Variants in PDE8A observed in about 807,000 individuals in gnomAD.
PDE8A encodes high affinity cAMP-specific and IBMX-insensitive 3',5'-cyclic phosphodiesterase 8A.
In PDE8A, 59 loss-of-function variants were observed where a neutral mutation model predicts 105.0. That is an observed-to-expected ratio of 0.56 (90% confidence interval 0.46 to 0.70). The LOEUF is 0.70. Among genes scored for constraint, PDE8A ranks in the 30% least tolerant of loss-of-function variants. The pLI is 0.00. For synonymous variants in PDE8A, 355 were observed against 371.9 expected, an observed-to-expected ratio of 0.95 and a Z score of 0.52; for missense variants, 1,014 against 1,045.9, an observed-to-expected ratio of 0.97 and a Z score of 0.42.
intron 2 of PDE8A, 31 bp from the exon 3 acceptor site, chr15:85,066,983 T>A (rs778581844): frequency 2.7e-5 from 41 of 1,497,176 alleles, no homozygotes; most frequent in Admixed American, 6.0e-5. Context: ...CATCTTTTTT[T>A]AAAAAAAGTG....
Position 85,075,039 on chromosome 15 carries a change from T to G in PDE8A, c.435-823T>G, listed in dbSNP as rs202134663. On this transcript the variant is annotated intron_variant, in intron 3 of 21. Coordinates refer to ENST00000394553, the MANE Select transcript of PDE8A (RefSeq NM_002605.3). ...AGTGGAGTTGTTCTTCTCTAGAGTC[T>G]GCTCGCTTCTCCCAGTGTAGGATGA... Among the ~76,000 whole-genome samples, 675 of 152,358 alleles carry G rather than the reference T, an allele frequency of 4.4e-3. 3 individuals are homozygous for G. Among genetic ancestry groups the G allele is most frequent in the Non-Finnish European group, 8.2e-3 (559 of 68,028 alleles).
intron 1 of PDE8A, among the ~76,000 whole-genome samples, chr15:84,990,057 C>T (rs542538399): frequency 2.6e-5 from 4 of 152,158 alleles, no homozygotes; most frequent in South Asian, 2.1e-4. Context: ...AGTACTAGAG[C>T]GCAAAATTTG....
At chr15:85,056,650 T>C (rs2081064412) in intron 1 of PDE8A, among the ~76,000 whole-genome samples, 1 of 152,236 alleles carries the variant, frequency 6.6e-6, no homozygotes, top group Non-Finnish European at 1.5e-5. Flanking sequence ...GTCATGGTTT[T>C]CAGCTCCATC....
chr15:85,115,059 TGGA>T (rs1298016828), intron 14 of PDE8A, among the ~76,000 whole-genome samples: 1 of 151,728 alleles, frequency 6.6e-6, no homozygotes, highest in Admixed American at 6.6e-5. Flanking sequence ...TGCACGAAAA[TGGA>T]GGAGAAGGAC....
chr15:85,071,538 C>T (rs2081310706), intron 3 of PDE8A, among the ~76,000 whole-genome samples: 1 of 152,210 alleles, frequency 6.6e-6, no homozygotes, highest in Non-Finnish European at 1.5e-5. Flanking sequence ...CAACAAATTG[C>T]ATCAGTTCTC....
rs148460919 is a variant in PDE8A at position 85,138,795 on chromosome 15, C to T, written c.*892C>T. The T allele has an allele frequency of 3.3e-5, 5 of 152,104 alleles. No individual in the cohort carries two copies. The highest frequency in any genetic ancestry group is 7.4e-5 in the Non-Finnish European group (5 of 68,004). The allele number at this position is 152,104 out of a possible 1,614,324, so 9.4% of individuals were successfully genotyped here. A position where few individuals can be genotyped will look rare whatever the true frequency, so the allele number is the denominator to read the frequency against. On this transcript the variant is annotated 3_prime_UTR_variant, in exon 22 of 22. Coordinates refer to ENST00000394553, the MANE Select transcript of PDE8A (RefSeq NM_002605.3). ...GTAAAACTAGACTCTCTTGTTGGTT[C>T]GCAAAGAAAAGTTAGGACTTAACAC...
At chr15:85,103,215 G>T (rs1315492456) in intron 11 of PDE8A, among the ~76,000 whole-genome samples, 1 of 152,136 alleles carries the variant, frequency 6.6e-6, no homozygotes, top group African/African-American at 2.4e-5. Context: ...GCAAGACTCT[G>T]TCTAAAAAAA....
At chr15:84,991,266 T>TCCTAAA (rs1192943766) in intron 1 of PDE8A, among the ~76,000 whole-genome samples, 1 of 152,132 alleles carries the variant, frequency 6.6e-6, no homozygotes, top group Non-Finnish European at 1.5e-5. Context: ...AAAGGATTAG[T>TCCTAAA]ATTCAGAGAG....
At chr15:85,133,896 G>T (rs1318891964) in intron 20 of PDE8A, among the ~76,000 whole-genome samples, 2 of 152,190 alleles carry the variant, frequency 1.3e-5, no homozygotes, top group Non-Finnish European at 2.9e-5. Flanking sequence ...GGGGAGTGGG[G>T]CTTGAGTACC....
At chr15:85,103,157 G>A (rs1047578723) in intron 11 of PDE8A, among the ~76,000 whole-genome samples, 2 of 152,140 alleles carry the variant, frequency 1.3e-5, no homozygotes, top group Non-Finnish European at 2.9e-5. Context: ...AGGAGGCAGA[G>A]GCTGCAGTGA....
chr15:85,116,052 C>G lies in PDE8A; in HGVS notation c.1468C>G (p.Arg490Gly), dbSNP rs369514553. 1.5e-5 allele frequency: 24 copies of G among 1,613,328 alleles called. No homozygotes were observed. Among genetic ancestry groups the G allele is most frequent in the Non-Finnish European group, 2.0e-5 (23 of 1,179,434 alleles). ...TGATGATGTCCCACCACGGATAGCTCGGGCCATGGAAAATGAGGAATACTG... is the reference window on the plus strand; with the variant it reads ...TGATGATGTCCCACCACGGATAGCTGGGGCCATGGAAAATGAGGAATACTG... ...SLDDVPPRIARAMENEEYWDF... is the reference protein window; with the variant it reads ...SLDDVPPRIAGAMENEEYWDF... The change falls in exon 16 of 22, where the codon CGG (arginine) becomes GGG (glycine). Residue 490 changes from arginine to glycine, a missense_variant. By Grantham distance (125) the Arg-to-Gly change is moderately radical. Coordinates refer to ENST00000394553, the MANE Select transcript of PDE8A (RefSeq NM_002605.3).
chr15:85,055,394 A>G (rs947130334), intron 1 of PDE8A, among the ~76,000 whole-genome samples: 8 of 152,100 alleles, frequency 5.3e-5, no homozygotes, highest in Non-Finnish European at 1.0e-4. Flanking sequence ...TGATCTGTCT[A>G]ATGTTGACAG....
chr15:85,009,522 A>G lies in PDE8A; in HGVS notation c.186+27174A>G, dbSNP rs2080206900. On this transcript the variant is annotated intron_variant, in intron 1 of 21. Transcript: ENST00000394553. ...GTAAATAATAAAATTTGTGGAAAGAAGTACTCACAAGGATTTCAGGCTGGA... is the reference window on the plus strand; with the variant it reads ...GTAAATAATAAAATTTGTGGAAAGAGGTACTCACAAGGATTTCAGGCTGGA... Among the ~76,000 whole-genome samples the G allele has an allele frequency of 2.0e-5, 3 of 152,222 alleles. No individual in the cohort carries two copies. In the South Asian group the frequency reaches 6.2e-4, roughly 32 times the overall value.
intron 1 of PDE8A, among the ~76,000 whole-genome samples, chr15:85,038,087 A>G (rs1003409584): frequency 6.6e-6 from 1 of 152,220 alleles, no homozygotes; most frequent in African/African-American, 2.4e-5. Context: ...TAAAATTGTT[A>G]AAACTTAAAA....
At chr15:85,108,475 G>A (rs905053056) in intron 11 of PDE8A, among the ~76,000 whole-genome samples, 9 of 152,282 alleles carry the variant, frequency 5.9e-5, no homozygotes, top group Middle Eastern at 3.4e-3. Flanking sequence ...TTGGTTTGGG[G>A]GTCAGGATTA....
chr15:85,070,719 G>C (rs2081298580), intron 3 of PDE8A, among the ~76,000 whole-genome samples: 1 of 152,184 alleles, frequency 6.6e-6, no homozygotes, highest in Admixed American at 6.5e-5. Context: ...CAGCAGACGT[G>C]AACCAAATGA....
intron 1 of PDE8A, among the ~76,000 whole-genome samples, chr15:84,987,198 T>A (rs1340746129): frequency 6.6e-6 from 1 of 152,218 alleles, no homozygotes; most frequent in Non-Finnish European, 1.5e-5. Flanking sequence ...TTTTCTTGAA[T>A]TCCTTTTACA....
chr15:85,030,937 T>C lies in PDE8A; in HGVS notation c.187-33433T>C, dbSNP rs1344255930. Reference sequence around the variant, plus strand: ...TTGTAATTATCTGTTTATATTTTTATATCCTTCTATATTTAGCTTCTGGAA... The same window carrying C: ...TTGTAATTATCTGTTTATATTTTTACATCCTTCTATATTTAGCTTCTGGAA... On this transcript the variant is annotated intron_variant, in intron 1 of 21. Transcript: ENST00000394553. Among the ~76,000 whole-genome samples, 3 of 152,270 alleles carry C rather than the reference T, an allele frequency of 2.0e-5. No individual in the cohort carries two copies. In the East Asian group the frequency reaches 5.8e-4, roughly 29 times the overall value.
At chr15:85,099,246 G>A (rs939773538) in intron 9 of PDE8A, among the ~76,000 whole-genome samples, 1 of 152,210 alleles carries the variant, frequency 6.6e-6, no homozygotes, top group African/African-American at 2.4e-5. Flanking sequence ...TGAGGAAACT[G>A]AGGCTTAGAG....
Sources: gnomAD v4.1 joint callset for allele counts (sites outside exome capture counted in the v4.1 genomes callset) on GRCh38, gnomAD v4.1.1 for gene constraint, MANE v1.5 for transcripts, NCBI Gene and HGNC (gene_info 2026-07-23, HGNC 2026-07-21) for gene names.